The following INO80C variants were observed in gnomAD, a reference collection of about 807,000 sequenced individuals.
INO80C encodes the protein INO80 complex subunit C.
In INO80C, 17 loss-of-function variants were observed where a neutral mutation model predicts 17.7. The ratio of observed to expected loss-of-function variants is 0.96; its 90% CI spans 0.66 to 1.44. The LOEUF (loss-of-function observed/expected upper bound fraction) is 1.44, where lower values mean the gene tolerates loss of function less well. Among genes scored for constraint, INO80C ranks in the 40% most tolerant of loss-of-function variants. The pLI is 0.00. For synonymous variants in INO80C, 96 were observed against 95.8 expected, an observed-to-expected ratio of 1.00 and a Z score of -0.01; for missense variants, 244 against 245.0, an observed-to-expected ratio of 1.00 and a Z score of 0.03.
At chr18:35,480,024 C>CA (rs1468977869) in intron 2 of INO80C, among the ~76,000 whole-genome samples, 1 of 151,848 alleles carries the variant, frequency 6.6e-6, no homozygotes, top group African/African-American at 2.4e-5. Flanking sequence ...TGAACTGCTG[C>CA]AGTTTATTAC....
chr18:35,497,582 C>G (rs1567992124), intron 1 of INO80C, 137 bp downstream of exon 1: 8 of 1,427,232 alleles, frequency 5.6e-6, no homozygotes, highest in Non-Finnish European at 7.3e-6. Context: ...TCATTCACTC[C>G]GCGGGGCAGC....
chr18:35,491,431 C>A (rs1002698852), intron 1 of INO80C, among the ~76,000 whole-genome samples: 2 of 152,152 alleles, frequency 1.3e-5, no homozygotes, highest in African/African-American at 4.8e-5. Flanking sequence ...CTCTGCCAGA[C>A]CCCCGCTGGG....
chr18:35,472,854 T>C (rs553419171), intron 4 of INO80C, among the ~76,000 whole-genome samples: 2 of 152,372 alleles, frequency 1.3e-5, no homozygotes, highest in African/African-American at 4.8e-5. Context: ...GTCATCTATA[T>C]TTCTTCTCTG....
Position 35,479,430 on chromosome 18 carries a change from A to G in INO80C, c.268-19T>C. On this transcript the variant is annotated intron_variant, in intron 2 of 4. Coordinates refer to ENST00000334598, the MANE Select transcript of INO80C (RefSeq NM_194281.4). ...CAGAGTGCTTGAATTGAAGGCATGG[A>G]TTAGAAGAAACAAAAACCAATGGAG... is the stretch of plus-strand genomic sequence containing the variant. The G allele has an allele frequency of 6.5e-7, 1 of 1,548,078 alleles. No individual in the cohort carries two copies. Among genetic ancestry groups the G allele is most frequent in the Admixed American group, 1.7e-5 (1 of 59,738 alleles).
chr18:35,495,824 ATTTT>A (rs562991904), intron 1 of INO80C, among the ~76,000 whole-genome samples: 2 of 151,820 alleles, frequency 1.3e-5, no homozygotes, highest in Non-Finnish European at 2.9e-5. Context: ...CATCAATATA[ATTTT>A]TTTTTAAAAG....
rs1033535453 is a variant in INO80C, at chr18:35,468,542, G to A, written c.*69C>T. 1.7e-5 allele frequency: 27 copies of A among 1,600,370 alleles called. No individual in the cohort carries two copies. The highest frequency in any genetic ancestry group is 7.7e-5 in the South Asian group (7 of 90,362). On this transcript the variant is annotated 3_prime_UTR_variant, in exon 5 of 5. Coordinates refer to ENST00000334598, the MANE Select transcript of INO80C (RefSeq NM_194281.4). ...TTGACAGCAGAACGAGTTTGTTTCC[G>A]TGAAACAAAATCATGAGTCCAGAGT...
chr18:35,472,621 T>C (rs1485984552), intron 4 of INO80C, among the ~76,000 whole-genome samples: 2 of 152,238 alleles, frequency 1.3e-5, no homozygotes, highest in African/African-American at 4.8e-5. Context: ...CTATAAGGCA[T>C]ATTGCAAGGT....
intron 1 of INO80C, chr18:35,497,358 TG>T: frequency 9.6e-7 from 1 of 1,038,642 alleles, no homozygotes; most frequent in Non-Finnish European, 1.2e-6. Flanking sequence ...TCAAAGACAC[TG>T]GGTAGATGTC....
intron 1 of INO80C, chr18:35,483,613 T>G (rs2045840469): frequency 6.6e-6 from 1 of 152,218 alleles, no homozygotes; most frequent in Admixed American, 6.5e-5. Flanking sequence ...TAATGAGTGA[T>G]TCATTGATTA....
At chr18:35,474,207 C>CTCTATATATA (rs1393201455) in intron 4 of INO80C, among the ~76,000 whole-genome samples, 2 of 58,046 alleles carry the variant, frequency 3.4e-5, no homozygotes, top group Admixed American at 4.8e-4. Context: ...GTGTGTGTGT[C>CTCTATATATA]TATATATATA....
chr18:35,492,691 T>G (rs886583438), intron 1 of INO80C, among the ~76,000 whole-genome samples: 1 of 152,196 alleles, frequency 6.6e-6, no homozygotes, highest in African/African-American at 2.4e-5. Flanking sequence ...CAGTCCAGCA[T>G]TATCTGGCTG....
chr18:35,484,405 T>C (rs1598744871), intron 1 of INO80C, among the ~76,000 whole-genome samples: 2 of 152,126 alleles, frequency 1.3e-5, no homozygotes. Flanking sequence ...CTGGAAACAA[T>C]GAACAATAGG....
At chr18:35,475,679 A>AAAAAAATGAAGAAGAAAT (rs1196787931) in intron 4 of INO80C, among the ~76,000 whole-genome samples, 2 of 152,136 alleles carry the variant, frequency 1.3e-5, no homozygotes, top group African/African-American at 4.8e-5. Flanking sequence ...TCTTAAAAAA[A>AAAAAAATGAAGAAGAAAT]AAAAAATGAA....
At chr18:35,491,508 G>T (rs1948261061) in intron 1 of INO80C, among the ~76,000 whole-genome samples, 3 of 152,130 alleles carry the variant, frequency 2.0e-5, no homozygotes, top group African/African-American at 7.2e-5. Flanking sequence ...CATCATACCA[G>T]TGCTGCCTCC....
intron 4 of INO80C, among the ~76,000 whole-genome samples, chr18:35,476,153 T>C (rs1363111542): frequency 6.6e-6 from 1 of 152,204 alleles, no homozygotes; most frequent in Non-Finnish European, 1.5e-5. Context: ...AAACAGAATT[T>C]TAAAATGTTC....
chr18:35,482,657 T>C (rs2045825173), intron 1 of INO80C, among the ~76,000 whole-genome samples: 2 of 152,192 alleles, frequency 1.3e-5, no homozygotes, highest in African/African-American at 2.4e-5. Context: ...CCAAGCTCAG[T>C]GCAAATGTCA....
rs377093591 is a variant in INO80C, at chr18:35,484,743, T to C, written c.157-4180A>G. Among the ~76,000 whole-genome samples the C allele has an allele frequency of 3.0e-4, 46 of 152,320 alleles. 1 individual carries two copies. The East Asian group carries it at 4.0e-3, about 13-fold the overall frequency. On this transcript the variant is annotated intron_variant, in intron 1 of 4. Transcript: ENST00000334598. ...GAGGTTCCATGGATTTTGGTACCCA[T>C]AGGAGGTCCTGGAACCAATCCAGCA...
At chr18:35,493,482 G>A (rs116743023) in intron 1 of INO80C, among the ~76,000 whole-genome samples, 2,178 of 152,302 alleles carry the variant, frequency 0.014, 59 homozygotes, top group African/African-American at 0.05. Context: ...GAACTAGAGA[G>A]AGCCATCTTG....
At chr18:35,477,607 A>C (rs949744492) in intron 4 of INO80C, among the ~76,000 whole-genome samples, 2 of 151,732 alleles carry the variant, frequency 1.3e-5, no homozygotes, top group Non-Finnish European at 2.9e-5. Flanking sequence ...CAAAACAAAA[A>C]AAGATGAATC....
Sources: gnomAD v4.1 joint callset for allele counts (sites outside exome capture counted in the v4.1 genomes callset) on GRCh38, gnomAD v4.1.1 for gene constraint, MANE v1.5 for transcripts, NCBI Gene and HGNC (gene_info 2026-07-23, HGNC 2026-07-21) for gene names.